The following CYRIA variants were observed in gnomAD, a reference collection of about 807,000 sequenced individuals.
CYRIA encodes the protein CYFIP-related Rac1 interactor A.
CYRIA carries 15 observed loss-of-function variants against 43.9 expected under a neutral mutation model. That is an observed-to-expected ratio of 0.34 (90% CI 0.23 to 0.53). The LOEUF (loss-of-function observed/expected upper bound fraction) is 0.53. Among genes scored for constraint, CYRIA ranks in the 20% least tolerant of loss-of-function variants. The pLI is 0.94. For synonymous variants in CYRIA, 117 were observed against 136.0 expected (o/e 0.86, Z 0.97); for missense variants, 236 against 394.2 (o/e 0.60, Z 3.40).
chr2:16,593,142 A>C (rs140165599), intron 2 of CYRIA, among the ~76,000 whole-genome samples: 1 of 152,354 alleles, frequency 6.6e-6, no homozygotes, highest in Non-Finnish European at 1.5e-5. Context: ...GTTCAATATT[A>C]CAACTCCTCT....
intron 2 of CYRIA, among the ~76,000 whole-genome samples, chr2:16,588,732 C>T (rs72777922): frequency 1.3e-5 from 2 of 152,246 alleles, no homozygotes; most frequent in Non-Finnish European, 2.9e-5. Flanking sequence ...CTCCTCTTAA[C>T]ATGTATAAGA....
At chr2:16,612,723 T>C (rs1009078262) in intron 2 of CYRIA, among the ~76,000 whole-genome samples, 4 of 152,182 alleles carry the variant, frequency 2.6e-5, no homozygotes, top group Non-Finnish European at 5.9e-5. Context: ...ACTTCAAGGA[T>C]AGATGCTGCA....
intron 1 of CYRIA, among the ~76,000 whole-genome samples, chr2:16,637,888 G>A (rs1041694554): frequency 1.3e-5 from 2 of 152,206 alleles, no homozygotes; most frequent in Non-Finnish European, 2.9e-5. Flanking sequence ...AATGGCAGAA[G>A]GGTGTCTGAT....
intron 3 of CYRIA, among the ~76,000 whole-genome samples, chr2:16,573,401 C>G (rs1185204865): frequency 6.6e-6 from 1 of 152,206 alleles, no homozygotes; most frequent in Non-Finnish European, 1.5e-5. Flanking sequence ...AATTCTAACA[C>G]ATTGATCAAA....
intron 11 of CYRIA, among the ~76,000 whole-genome samples, chr2:16,554,199 CACTTAG>C: frequency 6.6e-6 from 1 of 152,212 alleles, no homozygotes; most frequent in East Asian, 1.9e-4. Flanking sequence ...TGATCCATCC[CACTTAG>C]ACTTATTGAA....
intron 2 of CYRIA, among the ~76,000 whole-genome samples, chr2:16,590,222 C>A (rs60601492): frequency 0.18 from 27,714 of 151,996 alleles, 3,505 homozygotes; most frequent in African/African-American, 0.35. Context: ...ATCCTGTGTG[C>A]GGTAGGTTCT....
intron 1 of CYRIA, among the ~76,000 whole-genome samples, chr2:16,653,858 T>C (rs1670033977): frequency 6.6e-6 from 1 of 152,234 alleles, no homozygotes; most frequent in Non-Finnish European, 1.5e-5. Context: ...GTAAATCACA[T>C]TACCATTTTC....
chr2:16,645,438 T>TA (rs1669791720), intron 1 of CYRIA, among the ~76,000 whole-genome samples: 1 of 152,198 alleles, frequency 6.6e-6, no homozygotes, highest in Non-Finnish European at 1.5e-5. Flanking sequence ...CTGTGGAGTT[T>TA]AAATGAGCTC....
chr2:16,565,845 C>A, intron 3 of CYRIA, 78 bp from the exon 4 acceptor site: 2 of 1,337,686 alleles, frequency 1.5e-6, no homozygotes, highest in Admixed American at 2.3e-5. Flanking sequence ...TTCAGTTTTA[C>A]CTGCTTGACA....
At chr2:16,647,482 A>G (rs1669851076) in intron 1 of CYRIA, among the ~76,000 whole-genome samples, 1 of 152,156 alleles carries the variant, frequency 6.6e-6, no homozygotes, top group African/African-American at 2.4e-5. Flanking sequence ...CTCTTGCAGA[A>G]TTATTAAAAA....
rs1669718438 is a variant in CYRIA at position 16,642,929 on chromosome 2, G to GACCTTCTAATAT, written c.-166-18911_-166-18910insATATTAGAAGGT. Among the ~76,000 whole-genome samples the GACCTTCTAATAT allele has an allele frequency of 3.3e-5, 5 of 151,486 alleles. No homozygotes were observed. The East Asian group carries it at 7.7e-4, about 23-fold the overall frequency. On this transcript the variant is annotated intron_variant, in intron 1 of 11. Transcript: ENST00000381323. ...TTGGTTCGGCTCCATTTTTCCCATT[G>GACCTTCTAATAT]ACCTTTTGACCTTCTAATATACTAG...
chr2:16,664,488 A>G (rs1572213238), intron 1 of CYRIA, among the ~76,000 whole-genome samples: 1 of 152,162 alleles, frequency 6.6e-6, no homozygotes, highest in South Asian at 2.1e-4. Context: ...CGCAGGAAAA[A>G]CAGCCCCTGC....
intron 2 of CYRIA, among the ~76,000 whole-genome samples, chr2:16,617,753 C>T (rs1441169136): frequency 6.6e-6 from 1 of 152,218 alleles, no homozygotes; most frequent in Non-Finnish European, 1.5e-5. Flanking sequence ...GCAAACTCCA[C>T]ACCAGGGTCC....
At chr2:16,608,505 G>C (rs1036022569) in intron 2 of CYRIA, among the ~76,000 whole-genome samples, 1 of 152,186 alleles carries the variant, frequency 6.6e-6, no homozygotes, top group Non-Finnish European at 1.5e-5. Context: ...GCGTTTTGTA[G>C]TGTGGACCAC....
intron 1 of CYRIA, among the ~76,000 whole-genome samples, chr2:16,637,618 A>G (rs962256760): frequency 6.6e-6 from 1 of 152,230 alleles, no homozygotes; most frequent in Non-Finnish European, 1.5e-5. Flanking sequence ...GACTAAGCCA[A>G]TGACTTCTTC....
At chr2:16,639,666 G>C (rs1057023562) in intron 1 of CYRIA, among the ~76,000 whole-genome samples, 4 of 152,240 alleles carry the variant, frequency 2.6e-5, no homozygotes, top group African/African-American at 9.6e-5. Flanking sequence ...TTCCATCTCA[G>C]GAAGACTGCA....
At chr2:16,651,803 A>G (rs999629701) in intron 1 of CYRIA, among the ~76,000 whole-genome samples, 1 of 151,858 alleles carries the variant, frequency 6.6e-6, no homozygotes, top group African/African-American at 2.4e-5. Flanking sequence ...TAATTTCCCC[A>G]TTTTAAAAAC....
chr2:16,629,220 GC>G (rs948437455), intron 1 of CYRIA, among the ~76,000 whole-genome samples: 3 of 152,210 alleles, frequency 2.0e-5, no homozygotes, highest in Admixed American at 6.5e-5. Context: ...ACAAGGCCTG[GC>G]CTTTTTCTGC....
intron 2 of CYRIA, among the ~76,000 whole-genome samples, chr2:16,609,356 T>C (rs1668515366): frequency 6.6e-6 from 1 of 152,214 alleles, no homozygotes; most frequent in Non-Finnish European, 1.5e-5. Context: ...CTTTTTTGTC[T>C]GAAAAGTCTG....
Sources: gnomAD v4.1 joint callset for allele counts (sites outside exome capture counted in the v4.1 genomes callset) on GRCh38, gnomAD v4.1.1 for gene constraint, MANE v1.5 for transcripts, NCBI Gene and HGNC (gene_info 2026-07-23, HGNC 2026-07-21) for gene names.